The following SLC27A1 variants were observed in gnomAD, a reference collection of about 807,000 sequenced individuals.
SLC27A1 encodes the protein long-chain fatty acid transport protein 1.
Under a neutral mutation model 62.2 loss-of-function variants are expected in SLC27A1, and 61 were observed. That is an observed-to-expected ratio of 0.98 (90% CI 0.80 to 1.21). The LOEUF (loss-of-function observed/expected upper bound fraction) is 1.21. Among genes scored for constraint, SLC27A1 ranks in the 50% most tolerant of loss-of-function variants. The pLI, the probability that SLC27A1 is intolerant of heterozygous loss-of-function variation, is 0.00. For missense variants in SLC27A1, 903 were observed against 932.1 expected (o/e 0.97, Z 0.41); for synonymous variants, 435 against 408.6 (o/e 1.06, Z -0.78).
At chr19:17,494,829 C>T (rs1235824674) in intron 6 of SLC27A1, among the ~76,000 whole-genome samples, 1 of 151,212 alleles carries the variant, frequency 6.6e-6, no homozygotes, top group African/African-American at 2.4e-5. Flanking sequence ...CGTAGAGTAG[C>T]TACTCACCTG....
intron 1 of SLC27A1, among the ~76,000 whole-genome samples, chr19:17,480,541 CTT>C (rs3079223): frequency 2.7e-5 from 3 of 111,772 alleles, no homozygotes; most frequent in East Asian, 2.4e-4. Context: ...TAATTTTTTT[CTT>C]TTTTTTTTTT....
At chr19:17,500,167 G>T in intron 7 of SLC27A1, 111 bp from the exon 8 acceptor site, 1 of 1,499,838 alleles carries the variant, frequency 6.7e-7, no homozygotes, top group South Asian at 1.3e-5. Context: ...ACAGAGCTTA[G>T]AATGACACTG....
intron 1 of SLC27A1, among the ~76,000 whole-genome samples, chr19:17,479,906 A>T (rs1247635730): frequency 2.6e-5 from 4 of 152,048 alleles, no homozygotes; most frequent in African/African-American, 7.2e-5. Context: ...GGCCTCACAA[A>T]GTGCTGGGAT....
At chr19:17,479,113 T>A (rs926497047) in intron 1 of SLC27A1, among the ~76,000 whole-genome samples, 3 of 151,888 alleles carry the variant, frequency 2.0e-5, no homozygotes, top group Admixed American at 6.6e-5. Flanking sequence ...ATAAAAAATT[T>A]AAAAAATTAT....
At chr19:17,495,183 T>G (rs192661651) in intron 6 of SLC27A1, among the ~76,000 whole-genome samples, 1 of 151,696 alleles carries the variant, frequency 6.6e-6, no homozygotes, top group African/African-American at 2.4e-5. Context: ...CTACATTGGC[T>G]AGGCTGGTCT....
In SLC27A1 at chr19:17,476,786, A is replaced by T. The variant is rs1388697203; in HGVS notation, c.167+6079A>T. On this transcript the variant is annotated intron_variant, in intron 1 of 11. Coordinates refer to ENST00000252595, the MANE Select transcript of SLC27A1 (RefSeq NM_198580.3). ...CCCCAGTTCATTCATTATTTGACAA[A>T]TGGGGATCTGAGGGACCTATTTTGG... 2.6e-5 allele frequency among the ~76,000 whole-genome samples: 4 copies of T among 152,028 alleles called. No individual in the cohort carries two copies. In the East Asian group the frequency reaches 7.7e-4, roughly 29 times the overall value.
chr19:17,500,930 C>G, intron 10 of SLC27A1, 54 bp downstream of exon 10: 2 of 1,516,194 alleles, frequency 1.3e-6, no homozygotes, highest in Non-Finnish European at 1.8e-6. Context: ...GGGAGCTCAG[C>G]CAAAAGGGGC....
In SLC27A1 at chr19:17,470,657, C is replaced by T. The variant is rs536773467; in HGVS notation, c.117C>T (p.Gly39=). The part of the protein sequence containing the change: ...AAALGVYVGS[G]GWRFLRIVCK... ...CGCTCGGCGTGTACGTGGGCAGCGG[C>T]GGCTGGCGCTTCCTGCGCATCGTCT... is the stretch of plus-strand genomic sequence containing the variant. Residue 39 remains glycine (G), a synonymous_variant, in exon 1 of 12, where the codon GGC becomes GGT. Transcript: ENST00000252595. 4.4e-6 allele frequency: 7 copies of T among 1,577,920 alleles called. No homozygotes were observed. The African/African-American group carries it at 6.8e-5, about 15-fold the overall frequency.
chr19:17,487,977 C>T (rs1188643302), intron 4 of SLC27A1, among the ~76,000 whole-genome samples: 1 of 152,144 alleles, frequency 6.6e-6, no homozygotes, highest in Non-Finnish European at 1.5e-5. Context: ...GGCCCAGCTC[C>T]TGTCAGCAGC....
At chr19:17,482,837 G>A (rs527809472) in intron 1 of SLC27A1, among the ~76,000 whole-genome samples, 2 of 152,074 alleles carry the variant, frequency 1.3e-5, no homozygotes, top group African/African-American at 4.8e-5. Context: ...GGACCCAGGG[G>A]CATGAAATGA....
rs1302252886 is a variant in SLC27A1, at chr19:17,489,028, C to T, written c.907C>T (p.Gln303Ter). The change falls in exon 6 of 12, where the codon CAG becomes TAG. Residue 303 changes from glutamine (Q) to a stop codon, truncating the protein, a stop_gained. Coordinates refer to ENST00000252595, the MANE Select transcript of SLC27A1 (RefSeq NM_198580.3). LOFTEE classifies it high-confidence loss of function. Reference protein sequence around the residue: ...HSAGNIIGVGQCLIYGLTVVL... With the variant: ...HSAGNIIGVG The stretch of plus-strand genomic sequence containing the variant: ...TGCAGGAAACATCATCGGCGTGGGG[C>T]AGTGTCTCATCTATGGGCTGACAGT... 2 of 1,614,134 alleles carry T rather than the reference C, an allele frequency of 1.2e-6. No homozygotes were observed. The highest frequency in any genetic ancestry group is 1.7e-6 in the Non-Finnish European group (2 of 1,180,012).
At chr19:17,470,338 G>A (rs1017493404), upstream of SLC27A1, 1 of 577,492 alleles carries the variant, frequency 1.7e-6, no homozygotes, top group Non-Finnish European at 2.8e-6. Context: ...CCTGGAAAGG[G>A]GCGATGCCTG....
At chr19:17,493,969 A>C (rs377653706) in intron 6 of SLC27A1, among the ~76,000 whole-genome samples, 2 of 151,204 alleles carry the variant, frequency 1.3e-5, no homozygotes, top group East Asian at 3.9e-4. Flanking sequence ...CTAACAAAAA[A>C]GGGATGGTGG....
rs113850836 is a variant in SLC27A1, at chr19:17,477,163, A to G, written c.167+6456A>G. Among the ~76,000 whole-genome samples the G allele has an allele frequency of 4.8e-3, 719 of 150,362 alleles. 3 individuals are homozygous for G. The highest frequency in any genetic ancestry group is 0.017 in the African/African-American group (691 of 40,966). On this transcript the variant is annotated intron_variant, in intron 1 of 11. Coordinates refer to ENST00000252595, the MANE Select transcript of SLC27A1 (RefSeq NM_198580.3). ...CTTGGCCTACCAAAGTGCTGGGATTACAAGTGTGAGCTACTATGTCTAGCT... is the reference window on the plus strand; with the variant it reads ...CTTGGCCTACCAAAGTGCTGGGATTGCAAGTGTGAGCTACTATGTCTAGCT...
chr19:17,497,186 T>G (rs2075358094), intron 6 of SLC27A1, 69 bp from the exon 7 acceptor site: 8 of 1,332,080 alleles, frequency 6.0e-6, no homozygotes, highest in African/African-American at 1.5e-5. Flanking sequence ...GGTCTCGGGG[T>G]CTCTCCTCTG....
chr19:17,480,027 T>A (rs546052643), intron 1 of SLC27A1, among the ~76,000 whole-genome samples: 2 of 152,170 alleles, frequency 1.3e-5, no homozygotes, highest in South Asian at 4.1e-4. Context: ...TATCTTTCGA[T>A]ACAAAAAAAT....
chr19:17,494,969 T>C (rs546398663), intron 6 of SLC27A1, among the ~76,000 whole-genome samples: 13 of 100,362 alleles, frequency 1.3e-4, no homozygotes, highest in Non-Finnish European at 2.5e-4. Flanking sequence ...TCTGTAAAAA[T>C]CCTTGCCTTT....
At chr19:17,482,895 T>TAGATGCTAGAGATGCAC (rs897308886) in intron 1 of SLC27A1, among the ~76,000 whole-genome samples, 33 of 152,162 alleles carry the variant, frequency 2.2e-4, no homozygotes, top group African/African-American at 7.9e-4. Context: ...AGCAGATGCA[T>TAGATGCTAGAGATGCAC]AGATGCTAGA....
chr19:17,501,827 C>T (rs551230785), intron 11 of SLC27A1, among the ~76,000 whole-genome samples: 34 of 124,058 alleles, frequency 2.7e-4, no homozygotes, highest in Admixed American at 2.0e-3. Flanking sequence ...AAAAAGAATA[C>T]CTGGCCGGGT....
Sources: gnomAD v4.1 joint callset for allele counts (sites outside exome capture counted in the v4.1 genomes callset) on GRCh38, gnomAD v4.1.1 for gene constraint, MANE v1.5 for transcripts, NCBI Gene and HGNC (gene_info 2026-07-23, HGNC 2026-07-21) for gene names.